Variants in BAZ2B observed in about 807,000 individuals in gnomAD.
The protein encoded by BAZ2B is bromodomain adjacent to zinc finger domain 2B, also known as bromodomain adjacent to zinc finger domain protein 2B.
In BAZ2B, 91 loss-of-function variants were observed where a neutral mutation model predicts 246.0. The observed-to-expected ratio is 0.37, with a 90% CI of 0.31 to 0.44. The LOEUF (loss-of-function observed/expected upper bound fraction) is 0.44. BAZ2B is among the 20% of genes least tolerant of loss of function. The pLI is 1.00. For missense variants in BAZ2B, 2,332 were observed against 2,533.7 expected (o/e 0.92, Z 1.71); for synonymous variants, 855 against 860.0 (o/e 0.99, Z 0.10).
At chr2:159,555,438 C>T (rs1265373218) in intron 2 of BAZ2B, 1 of 152,044 alleles carries the variant, frequency 6.6e-6, no homozygotes, top group Non-Finnish European at 1.5e-5. Flanking sequence ...TCATTACAAT[C>T]TCAAGTAATT....
chr2:159,696,330 A>T, the BAZ2B span, among the ~76,000 whole-genome samples: 2 of 152,054 alleles, frequency 1.3e-5, no homozygotes, highest in Non-Finnish European at 2.9e-5. Flanking sequence ...GCAGCGTGAG[A>T]TTTGTCCTCC....
intron 27 of BAZ2B, among the ~76,000 whole-genome samples, chr2:159,364,725 G>C (rs1380378740): frequency 6.6e-6 from 1 of 152,122 alleles, no homozygotes; most frequent in East Asian, 1.9e-4. Flanking sequence ...TGTTGGCCAG[G>C]TATGTTGCCA....
At chr2:159,336,255 C>T (rs2065650915) in intron 33 of BAZ2B, among the ~76,000 whole-genome samples, 2 of 152,160 alleles carry the variant, frequency 1.3e-5, no homozygotes, top group African/African-American at 2.4e-5. Context: ...AAGAGGGACA[C>T]TTGTACATGA....
At position 159,320,235 on chromosome 2, in the gene BAZ2B, A is replaced by G; in HGVS notation, c.*30T>C. 1.3e-6 allele frequency: 2 copies of G among 1,496,192 alleles called. No homozygotes were observed. Among genetic ancestry groups the G allele is most frequent in the Non-Finnish European group, 1.8e-6 (2 of 1,131,784 alleles). 92.7% of individuals were successfully genotyped at this position (1,496,192 alleles called of 1,614,324 possible). ...GCTGGTCTCATTTGTCCTTGTTTAG[A>G]AGGAAAAAAATAAAGAGATTATTAT... On this transcript the variant is annotated 3_prime_UTR_variant, in exon 37 of 37. Coordinates refer to ENST00000392783, the MANE Select transcript of BAZ2B (RefSeq NM_013450.4).
intron 31 of BAZ2B, among the ~76,000 whole-genome samples, chr2:159,345,792 G>C (rs78897046): frequency 6.6e-6 from 1 of 152,196 alleles, no homozygotes; most frequent in African/African-American, 2.4e-5. Flanking sequence ...ATAGAAAGTA[G>C]ATGTAGCAGT....
Position 159,478,635 on chromosome 2 carries a change from C to CT in BAZ2B, c.84dup (p.Val29SerfsTer14). 6.2e-7 allele frequency: 1 copy of CT among 1,611,682 alleles called. No individual in the cohort carries two copies. Among genetic ancestry groups the CT allele is most frequent in the Non-Finnish European group, 8.5e-7 (1 of 1,178,584 alleles). Reference sequence around the variant, plus strand: ...CCAGTGGAAAGGCCACCTTTTGAAACTACTGAAGCCACAGAAGGTGTCGAA... The same window carrying CT: ...CCAGTGGAAAGGCCACCTTTTGAAACTTACTGAAGCCACAGAAGGTGTCGAA... On this transcript the variant is annotated frameshift_variant, in exon 3 of 37. Coordinates refer to ENST00000392783, the MANE Select transcript of BAZ2B (RefSeq NM_013450.4). LOFTEE classifies it high-confidence loss of function.
intron 36 of BAZ2B, among the ~76,000 whole-genome samples, chr2:159,323,577 C>T (rs556275581): frequency 2.1e-4 from 32 of 151,750 alleles, no homozygotes; most frequent in South Asian, 8.4e-4. Context: ...TGGAGGTGGG[C>T]GGATCACCTG....
At chr2:159,317,563 T>C (rs1422408184), downstream of BAZ2B, among the ~76,000 whole-genome samples, 2 of 152,192 alleles carry the variant, frequency 1.3e-5, no homozygotes, top group Non-Finnish European at 2.9e-5. Context: ...CAGTAGTGGA[T>C]TGTTTGGTTA....
At chr2:159,652,171 A>G in the BAZ2B span, among the ~76,000 whole-genome samples, 3 of 151,468 alleles carry the variant, frequency 2.0e-5, no homozygotes, top group Admixed American at 6.6e-5. Context: ...ATGTACAGGG[A>G]TGCTAATTTC....
intron 1 of BAZ2B, among the ~76,000 whole-genome samples, chr2:159,575,911 C>T (rs1685179017): frequency 6.6e-6 from 1 of 152,086 alleles, no homozygotes; most frequent in Non-Finnish European, 1.5e-5. Context: ...TTTTAGACTA[C>T]ATGAAGTTTG....
the BAZ2B span, among the ~76,000 whole-genome samples, chr2:159,703,113 G>T: frequency 6.6e-6 from 1 of 150,780 alleles, no homozygotes; most frequent in African/African-American, 2.4e-5. Flanking sequence ...TTGAGATGGA[G>T]TCTTGCTCTG....
intron 26 of BAZ2B, among the ~76,000 whole-genome samples, 193 bp downstream of exon 26, chr2:159,374,498 G>C (rs555310911): frequency 6.6e-6 from 1 of 152,162 alleles, no homozygotes; most frequent in African/African-American, 2.4e-5. Context: ...AGCTTGTAAA[G>C]TTCAATTGTA....
At chr2:159,323,584 C>T (rs967628093) in intron 36 of BAZ2B, among the ~76,000 whole-genome samples, 14 of 151,844 alleles carry the variant, frequency 9.2e-5, no homozygotes, top group African/African-American at 3.4e-4. Flanking sequence ...GGGCGGATCA[C>T]CTGAGGTCAG....
At chr2:159,422,845 AACTT>A (rs2069012646) in intron 13 of BAZ2B, among the ~76,000 whole-genome samples, 1 of 152,168 alleles carries the variant, frequency 6.6e-6, no homozygotes, top group African/African-American at 2.4e-5. Context: ...CTCTGTAAGA[AACTT>A]AATTCAACAA....
intron 26 of BAZ2B, 108 bp downstream of exon 26, chr2:159,374,583 C>A: frequency 1.2e-6 from 1 of 852,078 alleles, no homozygotes; most frequent in Non-Finnish European, 1.9e-6. Flanking sequence ...TTTTTAATTA[C>A]TCACCAAAAG....
At chr2:159,348,562 T>C (rs1282206349) in intron 30 of BAZ2B, 116 bp downstream of exon 30, 7 of 1,235,254 alleles carry the variant, frequency 5.7e-6, no homozygotes, top group African/African-American at 1.5e-5. Flanking sequence ...GTTGAATCCA[T>C]AGATGTGGAA....
chr2:159,417,158 A>G (rs1248503234), intron 13 of BAZ2B, among the ~76,000 whole-genome samples: 2 of 150,874 alleles, frequency 1.3e-5, no homozygotes, highest in Admixed American at 1.3e-4. Context: ...ATAGCAAAAG[A>G]TTAGGTTTTT....
the BAZ2B span, among the ~76,000 whole-genome samples, chr2:159,699,656 T>C: frequency 2.9e-4 from 44 of 152,230 alleles, no homozygotes; most frequent in Non-Finnish European, 5.0e-4. Context: ...CTCAGCACTT[T>C]GATTAATCAG....
At chr2:159,481,985 T>C (rs567417032) in intron 2 of BAZ2B, among the ~76,000 whole-genome samples, 17 of 152,050 alleles carry the variant, frequency 1.1e-4, no homozygotes, top group Non-Finnish European at 2.4e-4. Flanking sequence ...ATTCTATCAA[T>C]GTTAATTTCC....
Sources: gnomAD v4.1 joint callset for allele counts (sites outside exome capture counted in the v4.1 genomes callset) on GRCh38, gnomAD v4.1.1 for gene constraint, MANE v1.5 for transcripts, NCBI Gene and HGNC (gene_info 2026-07-23, HGNC 2026-07-21) for gene names.